The following SLC35F1 variants were observed in gnomAD, a reference collection of about 807,000 sequenced individuals.
The protein encoded by SLC35F1 is chromosome 6 open reading frame 169.
Under a neutral mutation model 48.7 loss-of-function variants are expected in SLC35F1, and 14 were observed. The ratio of observed to expected loss-of-function variants is 0.29; its 90% CI spans 0.19 to 0.45. The LOEUF is 0.45. Ranked by LOEUF, SLC35F1 falls within the 20% of genes least tolerant of loss-of-function variation. The pLI, the probability that SLC35F1 is intolerant of heterozygous loss-of-function variation, is 1.00. For synonymous variants in SLC35F1, 190 were observed against 202.2 expected, an observed-to-expected ratio of 0.94 and a Z score of 0.51; for missense variants, 404 against 500.0, an observed-to-expected ratio of 0.81 and a Z score of 1.83.
intron 1 of SLC35F1, among the ~76,000 whole-genome samples, chr6:117,908,440 C>T (rs1775723245): frequency 6.6e-6 from 1 of 152,252 alleles, no homozygotes; most frequent in South Asian, 2.1e-4. Context: ...CAGCCTGACG[C>T]TCCAGTCGCC....
intron 2 of SLC35F1, among the ~76,000 whole-genome samples, chr6:118,199,453 T>A (rs1422547755): frequency 6.6e-6 from 1 of 152,254 alleles, no homozygotes; most frequent in African/African-American, 2.4e-5. Context: ...TATATGAACG[T>A]GTCATGATTA....
intron 2 of SLC35F1, among the ~76,000 whole-genome samples, chr6:118,182,729 AAAAC>A (rs933110380): frequency 4.6e-5 from 7 of 152,124 alleles, no homozygotes; most frequent in Non-Finnish European, 1.0e-4. Flanking sequence ...ATATTTTTTA[AAAAC>A]AAACAAGGTA....
At chr6:118,211,319 C>A (rs1445692974) in intron 2 of SLC35F1, among the ~76,000 whole-genome samples, 2 of 152,110 alleles carry the variant, frequency 1.3e-5, no homozygotes, top group East Asian at 3.8e-4. Flanking sequence ...TACTTTCTAC[C>A]TTGTGTTTCA....
At chr6:118,200,332 G>A (rs949353832) in intron 2 of SLC35F1, among the ~76,000 whole-genome samples, 1 of 152,114 alleles carries the variant, frequency 6.6e-6, no homozygotes, top group Non-Finnish European at 1.5e-5. Context: ...GACAACTGGG[G>A]ATTTACAGCC....
At chr6:118,215,214 G>T (rs1387426270) in intron 2 of SLC35F1, among the ~76,000 whole-genome samples, 1 of 152,012 alleles carries the variant, frequency 6.6e-6, no homozygotes, top group East Asian at 1.9e-4. Context: ...CTGTTCCATG[G>T]GGATTTCTAT....
intron 1 of SLC35F1, among the ~76,000 whole-genome samples, chr6:118,046,101 A>T (rs752535902): frequency 2.6e-5 from 4 of 152,234 alleles, no homozygotes; most frequent in African/African-American, 9.6e-5. Flanking sequence ...TCCTAAAATA[A>T]TGCAAGGATC....
intron 1 of SLC35F1, among the ~76,000 whole-genome samples, chr6:118,097,963 G>A (rs1255634997): frequency 2.0e-5 from 3 of 152,126 alleles, no homozygotes; most frequent in East Asian, 3.9e-4. Context: ...GTCGATGGCT[G>A]TATATCTCCT....
chr6:118,070,432 A>C (rs1290566453), intron 1 of SLC35F1, among the ~76,000 whole-genome samples: 1 of 152,150 alleles, frequency 6.6e-6, no homozygotes, highest in Non-Finnish European at 1.5e-5. Context: ...AATGACAGTA[A>C]ATTCTACACT....
chr6:117,950,478 G>A (rs573427643), intron 1 of SLC35F1, among the ~76,000 whole-genome samples: 91 of 152,270 alleles, frequency 6.0e-4, no homozygotes, highest in Middle Eastern at 3.4e-3. Context: ...TGTTTGATAA[G>A]CACTTATTGA....
chr6:118,194,631 A>G (rs571773844), intron 2 of SLC35F1, among the ~76,000 whole-genome samples: 2 of 152,138 alleles, frequency 1.3e-5, no homozygotes, highest in Non-Finnish European at 2.9e-5. Flanking sequence ...CACAAAATAC[A>G]CCAGATTTGC....
chr6:118,011,623 G>T (rs1000762840), intron 1 of SLC35F1, among the ~76,000 whole-genome samples: 1 of 152,146 alleles, frequency 6.6e-6, no homozygotes, highest in South Asian at 2.1e-4. Context: ...TCACAATAGG[G>T]TTGTGCTCCT....
chr6:118,300,500 A>G (rs1314945186), intron 7 of SLC35F1, among the ~76,000 whole-genome samples: 1 of 152,192 alleles, frequency 6.6e-6, no homozygotes, highest in East Asian at 1.9e-4. Context: ...ACCCATTTTT[A>G]TAATCACAAA....
In SLC35F1 at chr6:117,907,683, C is replaced by A; in HGVS notation, c.-44C>A. 3 of 1,285,344 alleles carry A rather than the reference C, an allele frequency of 2.3e-6. No individual in the cohort carries two copies. The highest frequency in any genetic ancestry group is 3.2e-6 in the Non-Finnish European group (3 of 944,748). The allele number at this position is 1,285,344 out of a possible 1,614,324, so 79.6% of individuals were successfully genotyped here. A position where few individuals can be genotyped will look rare whatever the true frequency, so the allele number is the denominator to read the frequency against. On this transcript the variant is annotated 5_prime_UTR_variant, in exon 1 of 8. Transcript: ENST00000360388. Reference sequence around the variant, plus strand: ...GGGCCCGGAACCGGCACACGATGCACCCGGCTGCGTTCTGATCGCCGCCGC... The same window carrying A: ...GGGCCCGGAACCGGCACACGATGCAACCGGCTGCGTTCTGATCGCCGCCGC...
intron 1 of SLC35F1, among the ~76,000 whole-genome samples, chr6:117,916,647 G>A (rs987497368): frequency 6.6e-6 from 1 of 152,226 alleles, no homozygotes; most frequent in Non-Finnish European, 1.5e-5. Flanking sequence ...ATGTGAGGCA[G>A]GGAAACTATT....
intron 7 of SLC35F1, among the ~76,000 whole-genome samples, chr6:118,309,260 C>G (rs896494576): frequency 6.6e-6 from 1 of 151,324 alleles, no homozygotes; most frequent in Non-Finnish European, 1.5e-5. Flanking sequence ...AGTGGCAGGA[C>G]CATAGCTCAC....
intron 3 of SLC35F1, among the ~76,000 whole-genome samples, chr6:118,239,563 T>A (rs1353746283): frequency 2.0e-5 from 3 of 152,030 alleles, no homozygotes; most frequent in East Asian, 1.9e-4. Flanking sequence ...AGTTTTTTTT[T>A]AAGTTTTTTT....
At chr6:117,909,552 G>A (rs997246021) in intron 1 of SLC35F1, among the ~76,000 whole-genome samples, 1 of 152,264 alleles carries the variant, frequency 6.6e-6, no homozygotes. Flanking sequence ...CCAGTAGCTA[G>A]ACAAGTGGTT....
Position 117,981,869 on chromosome 6 carries a change from T to A in SLC35F1, c.173+73970T>A, listed in dbSNP as rs144403415. ...TATCAGCATTGTTTTTACATTGCCT[T>A]TTTTTCTTATTTTTTCCCAAGAAAT... On this transcript the variant is annotated intron_variant, in intron 1 of 7. Coordinates refer to ENST00000360388, the MANE Select transcript of SLC35F1 (RefSeq NM_001029858.4). Among the ~76,000 whole-genome samples, 477 of 152,286 alleles carry A rather than the reference T, an allele frequency of 3.1e-3. 14 individuals carry two copies. Among genetic ancestry groups the A allele is most frequent in the Admixed American group, 0.03 (452 of 15,290 alleles).
At chr6:118,038,995 T>C (rs1772172403) in intron 1 of SLC35F1, among the ~76,000 whole-genome samples, 2 of 152,216 alleles carry the variant, frequency 1.3e-5, no homozygotes, top group African/African-American at 2.4e-5. Flanking sequence ...TTTTTGTATA[T>C]TGATGTTGTA....
Sources: allele counts gnomAD v4.1 joint callset (sites outside exome capture counted in the v4.1 genomes callset), GRCh38; gene constraint gnomAD v4.1.1; transcripts MANE v1.5; gene names NCBI Gene and HGNC (gene_info 2026-07-23, HGNC 2026-07-21).